Variants in GRM7 observed in about 807,000 individuals in gnomAD.
GRM7 encodes the protein metabotropic glutamate receptor 7.
GRM7 carries 35 observed loss-of-function variants against 84.5 expected under a neutral mutation model. The observed-to-expected ratio is 0.41, with a 90% CI of 0.32 to 0.55. The LOEUF (loss-of-function observed/expected upper bound fraction) is 0.55, where lower values mean the gene tolerates loss of function less well. Ranked by LOEUF, GRM7 falls within the 20% of genes least tolerant of loss-of-function variation. The pLI, the probability that GRM7 is intolerant of heterozygous loss-of-function variation, is 0.19. For synonymous variants in GRM7, 487 were observed against 455.1 expected, an observed-to-expected ratio of 1.07 and a Z score of -0.89; for missense variants, 1,003 against 1,194.6, an observed-to-expected ratio of 0.84 and a Z score of 2.36.
chr3:6,891,622 C>T (rs911726332), intron 1 of GRM7, among the ~76,000 whole-genome samples: 1 of 152,174 alleles, frequency 6.6e-6, no homozygotes, highest in Non-Finnish European at 1.5e-5. Context: ...TGATGGGCTT[C>T]CCTTTGTGGG....
intron 4 of GRM7, among the ~76,000 whole-genome samples, chr3:7,328,751 A>G (rs1342676446): frequency 6.6e-6 from 1 of 152,060 alleles, no homozygotes; most frequent in East Asian, 1.9e-4. Context: ...CTCTGACATG[A>G]ATTTTCCTAG....
At chr3:7,203,099 A>G (rs1274049199) in intron 2 of GRM7, among the ~76,000 whole-genome samples, 2 of 152,188 alleles carry the variant, frequency 1.3e-5, no homozygotes, top group Non-Finnish European at 2.9e-5. Context: ...TGAAATACAC[A>G]AAATATCATT....
Position 7,099,891 on chromosome 3 carries a change from A to G in GRM7, c.520-46561A>G, listed in dbSNP as rs573396719. The stretch of plus-strand genomic sequence containing the variant: ...GTATATGTACACGCATTATACATAT[A>G]TACATAGATTATACATATATAATAT... On this transcript the variant is annotated intron_variant, in intron 1 of 9. Transcript: ENST00000357716. 6.9e-4 allele frequency among the ~76,000 whole-genome samples: 91 copies of G among 132,528 alleles called. 2 individuals carry two copies. Among genetic ancestry groups the G allele is most frequent in the African/African-American group, 2.0e-3 (64 of 31,684 alleles). 86.9% of individuals were successfully genotyped at this position (132,528 alleles called of 152,430 possible).
At chr3:6,907,557 A>C (rs1696625180) in intron 1 of GRM7, among the ~76,000 whole-genome samples, 1 of 152,208 alleles carries the variant, frequency 6.6e-6, no homozygotes, top group Non-Finnish European at 1.5e-5. Context: ...CAGGAACCTG[A>C]AAATCATAAA....
At chr3:7,468,104 A>C (rs928562439) in intron 7 of GRM7, among the ~76,000 whole-genome samples, 3 of 152,232 alleles carry the variant, frequency 2.0e-5, no homozygotes, top group Non-Finnish European at 4.4e-5. Flanking sequence ...ACTGCTAATC[A>C]CTCTATTGTT....
intron 7 of GRM7, among the ~76,000 whole-genome samples, chr3:7,532,819 A>AAG (rs1701092623): frequency 6.6e-6 from 1 of 150,384 alleles, no homozygotes; most frequent in Non-Finnish European, 1.5e-5. Flanking sequence ...AAAAAAAAAA[A>AAG]AAAGCAGGGG....
At chr3:7,105,984 A>C (rs940221064) in intron 1 of GRM7, among the ~76,000 whole-genome samples, 1 of 151,902 alleles carries the variant, frequency 6.6e-6, no homozygotes, top group Non-Finnish European at 1.5e-5. Context: ...ATTCAAATTA[A>C]ATAGTATCAT....
chr3:7,697,067 T>C (rs3804826), intron 9 of GRM7, among the ~76,000 whole-genome samples: 1 of 151,756 alleles, frequency 6.6e-6, no homozygotes, highest in South Asian at 2.1e-4. Flanking sequence ...AGATAAGGGA[T>C]TGAGAAAGAA....
intron 7 of GRM7, among the ~76,000 whole-genome samples, chr3:7,574,883 G>A (rs1443387192): frequency 2.0e-5 from 3 of 152,082 alleles, no homozygotes; most frequent in Non-Finnish European, 2.9e-5. Context: ...TGTACACCCC[G>A]GGTTACAACC....
At chr3:7,141,248 G>A (rs954349156) in intron 1 of GRM7, among the ~76,000 whole-genome samples, 1 of 151,780 alleles carries the variant, frequency 6.6e-6, no homozygotes. Flanking sequence ...ATTATAACAA[G>A]GGTAGAAGAC....
At chr3:7,045,583 T>C (rs1696777132) in intron 1 of GRM7, among the ~76,000 whole-genome samples, 2 of 152,158 alleles carry the variant, frequency 1.3e-5, no homozygotes, top group African/African-American at 4.8e-5. Flanking sequence ...ACTCTTGGCT[T>C]CTATGAGCTT....
At chr3:7,065,238 G>C (rs1333337889) in intron 1 of GRM7, among the ~76,000 whole-genome samples, 1 of 151,776 alleles carries the variant, frequency 6.6e-6, no homozygotes, top group Non-Finnish European at 1.5e-5. Context: ...ATTTGCTTTT[G>C]GGTTCTTGGT....
chr3:7,147,215 C>A (rs1045902584), intron 2 of GRM7, among the ~76,000 whole-genome samples: 1 of 152,180 alleles, frequency 6.6e-6, no homozygotes, highest in African/African-American at 2.4e-5. Flanking sequence ...TCTTCAGCAG[C>A]CCTTGGAGAG....
At chr3:7,688,151 CCTGT>C (rs761068654) in intron 9 of GRM7, among the ~76,000 whole-genome samples, 9 of 152,196 alleles carry the variant, frequency 5.9e-5, no homozygotes, top group African/African-American at 1.9e-4. Context: ...TCCTTTTGCT[CCTGT>C]CTAAGTTGAC....
At chr3:7,068,478 C>A (rs919260024) in intron 1 of GRM7, among the ~76,000 whole-genome samples, 1 of 151,940 alleles carries the variant, frequency 6.6e-6, no homozygotes, top group African/African-American at 2.4e-5. Flanking sequence ...GTCTGCAATA[C>A]CCATGTATTT....
intron 4 of GRM7, among the ~76,000 whole-genome samples, chr3:7,332,328 A>G (rs1216450215): frequency 6.6e-6 from 1 of 152,224 alleles, no homozygotes; most frequent in East Asian, 1.9e-4. Context: ...CTAAGATCAT[A>G]TACCTGGTTA....
At chr3:7,220,297 G>A (rs1227616632) in intron 2 of GRM7, among the ~76,000 whole-genome samples, 1 of 152,152 alleles carries the variant, frequency 6.6e-6, no homozygotes, top group Non-Finnish European at 1.5e-5. Context: ...GGTGAATGAG[G>A]TTAATATCCA....
chr3:7,514,197 A>G (rs535376899), intron 7 of GRM7, among the ~76,000 whole-genome samples: 70 of 152,354 alleles, frequency 4.6e-4, no homozygotes, highest in African/African-American at 1.6e-3. Flanking sequence ...TTAAGAAATA[A>G]TTGTAACACA....
rs567532340 is a variant in GRM7 at position 7,035,853 on chromosome 3, G to A, written c.520-110599G>A. On this transcript the variant is annotated intron_variant, in intron 1 of 9. Coordinates refer to ENST00000357716, the MANE Select transcript of GRM7 (RefSeq NM_000844.4). Reference sequence around the variant, plus strand: ...TTAGAAATAATTATGGACACTTTTAGCACAGCCAAGACACAAATGTGGCTT... The same window carrying A: ...TTAGAAATAATTATGGACACTTTTAACACAGCCAAGACACAAATGTGGCTT... Among the ~76,000 whole-genome samples, 262 of 152,322 alleles carry A rather than the reference G, an allele frequency of 1.7e-3. 1 individual carries two copies. Among genetic ancestry groups the A allele is most frequent in the Middle Eastern group, 6.8e-3 (2 of 294 alleles).
Sources: allele counts gnomAD v4.1 joint callset (sites outside exome capture counted in the v4.1 genomes callset), GRCh38; gene constraint gnomAD v4.1.1; transcripts MANE v1.5; gene names NCBI Gene and HGNC (gene_info 2026-07-23, HGNC 2026-07-21).